The following CMIP variants were observed in gnomAD, a reference collection of about 807,000 sequenced individuals.
The protein encoded by CMIP is c-Maf inducing protein, also known as C-Maf-inducing protein.
Under a neutral mutation model 97.3 loss-of-function variants are expected in CMIP, and 13 were observed. The observed-to-expected ratio is 0.13, with a 90% confidence interval of 0.09 to 0.21. CMIP has a LOEUF of 0.21. Ranked by LOEUF, CMIP falls within the 10% of genes least tolerant of loss-of-function variation. The pLI is 1.00. For synonymous variants in CMIP, 538 were observed against 436.3 expected, an observed-to-expected ratio of 1.23 and a Z score of -2.91; for missense variants, 847 against 1,024.9, an observed-to-expected ratio of 0.83 and a Z score of 2.37.
At chr16:81,601,739 C>T (rs73598441) in intron 1 of CMIP, among the ~76,000 whole-genome samples, 4,369 of 152,196 alleles carry the variant, frequency 0.029, 199 homozygotes, top group African/African-American at 0.1. Flanking sequence ...TGGAAGGCAG[C>T]GTCCCCCGGG....
intron 13 of CMIP, chr16:81,696,257 T>C (rs1310883637): frequency 2.1e-6 from 1 of 476,454 alleles, no homozygotes; most frequent in African/African-American, 2.0e-5. Context: ...TGGGCATCTC[T>C]ACCTGCTGCA....
At chr16:81,608,623 G>A (rs1011068553) in intron 2 of CMIP, among the ~76,000 whole-genome samples, 12 of 152,112 alleles carry the variant, frequency 7.9e-5, no homozygotes, top group South Asian at 6.2e-4. Context: ...CCCAGGTCTC[G>A]GATTGGTAGC....
chr16:81,476,938 C>T (rs781336581), intron 1 of CMIP, among the ~76,000 whole-genome samples: 1 of 152,080 alleles, frequency 6.6e-6, no homozygotes, highest in African/African-American at 2.4e-5. Flanking sequence ...AATGAAAAGA[C>T]CCCAGCCCCA....
At chr16:81,620,978 G>T in intron 3 of CMIP, 52 bp downstream of exon 3, 1 of 1,605,688 alleles carries the variant, frequency 6.2e-7, no homozygotes, top group South Asian at 1.1e-5. Context: ...GTGGTGCGAT[G>T]GCTTAAAGCC....
chr16:81,672,957 G>GATTCCCT (rs1230687183), intron 9 of CMIP, among the ~76,000 whole-genome samples: 10 of 152,156 alleles, frequency 6.6e-5, no homozygotes, highest in Non-Finnish European at 1.5e-4. Context: ...GCTCTCTTGG[G>GATTCCCT]GCTTCCATTC....
At chr16:81,482,168 C>A (rs753703863) in intron 1 of CMIP, among the ~76,000 whole-genome samples, 1 of 152,094 alleles carries the variant, frequency 6.6e-6, no homozygotes, top group Non-Finnish European at 1.5e-5. Context: ...CATGAGCTAC[C>A]GGGCCTGTCC....
At chr16:81,617,887 C>G (rs933595056) in intron 2 of CMIP, among the ~76,000 whole-genome samples, 4 of 152,210 alleles carry the variant, frequency 2.6e-5, no homozygotes, top group Non-Finnish European at 4.4e-5. Context: ...CTTAGGGTCA[C>G]ACATATATAC....
chr16:81,571,744 G>A lies in CMIP; in HGVS notation c.301-35823G>A, dbSNP rs116131846. Among the ~76,000 whole-genome samples the A allele has an allele frequency of 6.3e-3, 953 of 152,298 alleles. 10 individuals are homozygous for A. Among genetic ancestry groups the A allele is most frequent in the African/African-American group, 0.022 (899 of 41,564 alleles). The stretch of plus-strand genomic sequence containing the variant: ...TTAGTGAGCACGTCGTGCACCTTGC[G>A]TGTGTCCCATTCAGCACCATGGCTG... On this transcript the variant is annotated intron_variant, in intron 1 of 20. Transcript: ENST00000537098.
At chr16:81,643,811 A>G (rs745504365) in intron 3 of CMIP, among the ~76,000 whole-genome samples, 23 of 151,992 alleles carry the variant, frequency 1.5e-4, no homozygotes, top group Non-Finnish European at 2.5e-4. Flanking sequence ...ATAAATAAAT[A>G]AGGTTAATGG....
At chr16:81,479,455 T>C (rs1908127406) in intron 1 of CMIP, among the ~76,000 whole-genome samples, 1 of 152,118 alleles carries the variant, frequency 6.6e-6, no homozygotes, top group African/African-American at 2.4e-5. Context: ...TCTCCAGAAC[T>C]TTCTCATCTT....
At position 81,647,957 on chromosome 16, in the gene CMIP, G is replaced by A. The variant is rs569207615; in HGVS notation, c.478-4246G>A. Reference sequence around the variant, plus strand: ...CGTAGCCCACCCTCCCCCCGCACCCGCAGAGCCGTAGCCCACCCTCCCCCC... The same window carrying A: ...CGTAGCCCACCCTCCCCCCGCACCCACAGAGCCGTAGCCCACCCTCCCCCC... On this transcript the variant is annotated intron_variant, in intron 3 of 20. Coordinates refer to ENST00000537098, the MANE Select transcript of CMIP (RefSeq NM_198390.3). 4.7e-3 allele frequency among the ~76,000 whole-genome samples: 56 copies of A among 11,854 alleles called. 1 individual carries two copies. The highest frequency in any genetic ancestry group is 0.017 in the African/African-American group (54 of 3,144). The allele number at this position is 11,854 out of a possible 152,430, so 7.8% of individuals were successfully genotyped here. A position where few individuals can be genotyped will look rare whatever the true frequency, so the allele number is the denominator to read the frequency against.
intron 1 of CMIP, among the ~76,000 whole-genome samples, chr16:81,457,257 C>T (rs1359301575): frequency 6.6e-6 from 1 of 152,092 alleles, no homozygotes; most frequent in Non-Finnish European, 1.5e-5. Context: ...GGCACCACCC[C>T]AGCTGGGCAG....
intron 1 of CMIP, among the ~76,000 whole-genome samples, chr16:81,571,248 T>C (rs867172038): frequency 9.9e-5 from 15 of 151,964 alleles, no homozygotes; most frequent in African/African-American, 3.6e-4. Flanking sequence ...GGTGGGAGGA[T>C]TGCTTGAGGC....
chr16:81,495,600 C>G (rs962730356), intron 1 of CMIP: 2 of 1,204,328 alleles, frequency 1.7e-6, no homozygotes, highest in Non-Finnish European at 2.4e-6. Flanking sequence ...ACCCACTTCT[C>G]AGAGGGTGGG....
chr16:81,480,742 A>C (rs1164831943), intron 1 of CMIP, among the ~76,000 whole-genome samples: 1 of 151,988 alleles, frequency 6.6e-6, no homozygotes, highest in Non-Finnish European at 1.5e-5. Context: ...ACGTTCTCTC[A>C]TTTTACCTTT....
chr16:81,537,703 T>C (rs955282334), intron 1 of CMIP, among the ~76,000 whole-genome samples: 3 of 141,238 alleles, frequency 2.1e-5, no homozygotes, highest in Admixed American at 1.4e-4. Context: ...CCCATCTCTG[T>C]TGAAAGAAAA....
intron 2 of CMIP, among the ~76,000 whole-genome samples, chr16:81,609,369 C>T (rs1031521020): frequency 1.3e-5 from 2 of 152,198 alleles, no homozygotes; most frequent in Non-Finnish European, 2.9e-5. Flanking sequence ...TCAGTGCCAG[C>T]CCCCCTCGGC....
intron 1 of CMIP, among the ~76,000 whole-genome samples, chr16:81,589,662 A>G (rs2091436909): frequency 6.6e-6 from 1 of 152,320 alleles, no homozygotes; most frequent in South Asian, 2.1e-4. Flanking sequence ...GTCTGTGTCC[A>G]TAGATGCATA....
chr16:81,509,637 G>A (rs757280470), intron 1 of CMIP, among the ~76,000 whole-genome samples: 2 of 152,144 alleles, frequency 1.3e-5, no homozygotes, highest in Non-Finnish European at 2.9e-5. Context: ...GAGCCAGGGC[G>A]GCCCTAAGCA....
Sources: gnomAD v4.1 joint callset for allele counts (sites outside exome capture counted in the v4.1 genomes callset) on GRCh38, gnomAD v4.1.1 for gene constraint, MANE v1.5 for transcripts, NCBI Gene and HGNC (gene_info 2026-07-23, HGNC 2026-07-21) for gene names.